DCLK3: variants seen among roughly 807,000 people sequenced by gnomAD.
The protein encoded by DCLK3 is doublecortin like kinase 3.
In DCLK3, 30 loss-of-function variants were observed where a neutral mutation model predicts 46.4. That is an observed-to-expected ratio of 0.65 (90% CI 0.48 to 0.88). The LOEUF (loss-of-function observed/expected upper bound fraction) is 0.88. DCLK3 is among the 40% of genes least tolerant of loss of function. The pLI is 0.00. For missense variants in DCLK3, 846 were observed against 907.1 expected (o/e 0.93, Z 0.87); for synonymous variants, 401 against 339.2 (o/e 1.18, Z -2.00).
intron 1 of DCLK3, chr3:36,739,927 C>T (rs1204893833): frequency 6.6e-6 from 1 of 152,162 alleles, no homozygotes; most frequent in Non-Finnish European, 1.5e-5. Flanking sequence ...GAGGCAGGAA[C>T]ATTCCAGAAT....
chr3:36,748,716 C>T (rs1202852657), intron 1 of DCLK3, among the ~76,000 whole-genome samples: 1 of 152,184 alleles, frequency 6.6e-6, no homozygotes, highest in Non-Finnish European at 1.5e-5. Flanking sequence ...GACCATAACA[C>T]TAACCTTTCT....
chr3:36,733,734 G>A (rs1428317399), intron 2 of DCLK3, among the ~76,000 whole-genome samples: 2 of 152,124 alleles, frequency 1.3e-5, no homozygotes, highest in Non-Finnish European at 2.9e-5. Context: ...AACCCTAAGG[G>A]AAGAAGAGCA....
chr3:36,751,759 C>T (rs183587102), intron 1 of DCLK3, among the ~76,000 whole-genome samples: 99 of 152,268 alleles, frequency 6.5e-4, no homozygotes, highest in Admixed American at 1.8e-3. Flanking sequence ...ATAAATGGGC[C>T]TTGCGTGGCA....
At chr3:36,758,295 G>A (rs1701506145) in intron 1 of DCLK3, among the ~76,000 whole-genome samples, 1 of 152,120 alleles carries the variant, frequency 6.6e-6, no homozygotes. Context: ...ATGACTAAGT[G>A]CTACCACATA....
intron 2 of DCLK3, among the ~76,000 whole-genome samples, chr3:36,730,082 G>A (rs1507875): frequency 2.0e-5 from 3 of 152,036 alleles, no homozygotes; most frequent in African/African-American, 7.3e-5. Flanking sequence ...GGGAGGCTAA[G>A]GTGGGGGGAG....
intron 1 of DCLK3, among the ~76,000 whole-genome samples, chr3:36,747,839 A>G (rs1333510505): frequency 6.6e-6 from 1 of 152,196 alleles, no homozygotes; most frequent in African/African-American, 2.4e-5. Flanking sequence ...GGAGCATCTT[A>G]GAAATGCAGA....
At chr3:36,722,132 T>C (rs1466883773) in intron 2 of DCLK3, among the ~76,000 whole-genome samples, 2 of 151,740 alleles carry the variant, frequency 1.3e-5, no homozygotes, top group Non-Finnish European at 2.9e-5. Context: ...AGAAAATGCC[T>C]CTGGGCAATG....
intron 1 of DCLK3, among the ~76,000 whole-genome samples, chr3:36,759,325 C>G (rs567051084): frequency 6.6e-6 from 1 of 152,176 alleles, no homozygotes; most frequent in Non-Finnish European, 1.5e-5. Context: ...GGGCTGTGGA[C>G]AAAAGCAACA....
chr3:36,748,973 C>A (rs1436862398), intron 1 of DCLK3, among the ~76,000 whole-genome samples: 1 of 152,008 alleles, frequency 6.6e-6, no homozygotes, highest in Non-Finnish European at 1.5e-5. Flanking sequence ...TGGCTTTGAC[C>A]AGACCTCCCC....
intron 2 of DCLK3, among the ~76,000 whole-genome samples, chr3:36,733,398 A>G (rs746805096): frequency 1.3e-5 from 2 of 152,186 alleles, no homozygotes; most frequent in African/African-American, 4.8e-5. Flanking sequence ...ACCGTGCTCA[A>G]TGTTCATGTC....
At position 36,738,557 on chromosome 3, in the gene DCLK3, G is replaced by A. The variant is rs748255303; in HGVS notation, c.610C>T (p.Pro204Ser). The A allele has an allele frequency of 1.4e-6, 2 of 1,481,038 alleles. No individual in the cohort carries two copies. Among genetic ancestry groups the A allele is most frequent in the Admixed American group, 2.4e-5 (1 of 42,276 alleles). 91.7% of individuals were successfully genotyped at this position (1,481,038 alleles called of 1,614,324 possible). A position where few individuals can be genotyped will look rare whatever the true frequency, so the allele number is the denominator to read the frequency against. ...ALTLAQHSRA[P>S]SPRLRSRLFS... ...AGCCTGCTCCTCAGCCTTGGAGAAGGGGCACGGCTGTGCTGGGCCAGTGTC... is the reference window on the plus strand; with the variant it reads ...AGCCTGCTCCTCAGCCTTGGAGAAGAGGCACGGCTGTGCTGGGCCAGTGTC... Residue 204 changes from proline (P) to serine (S), a missense_variant, in exon 2 of 5, where the codon CCT becomes TCT. By Grantham distance (74) the Pro-to-Ser change is moderately conservative (BLOSUM62 -1). Around this residue, in one of 3 missense-constraint regions of DCLK3, gnomAD observed 553 missense variants for 543.0 expected, o/e 1.02. Transcript: ENST00000636136.
intron 1 of DCLK3, among the ~76,000 whole-genome samples, chr3:36,745,268 G>A (rs921936258): frequency 4.7e-4 from 71 of 152,008 alleles, no homozygotes; most frequent in African/African-American, 1.6e-3. Context: ...AATAACTCAC[G>A]TGTCTAATTA....
chr3:36,738,394 G>T lies in DCLK3; in HGVS notation c.773C>A (p.Ala258Glu), dbSNP rs540783802. 2.0e-6 allele frequency: 3 copies of T among 1,492,178 alleles called. No homozygotes were observed. The highest frequency in any genetic ancestry group is 1.4e-5 in the South Asian group (1 of 69,754). The allele number at this position is 1,492,178 out of a possible 1,614,324, so 92.4% of individuals were successfully genotyped here. A position where few individuals can be genotyped will look rare whatever the true frequency, so the allele number is the denominator to read the frequency against. ...IPEELSLDDR[A>E]RTQKKWGRGK... is the part of the protein sequence containing the mutation. ...CCTCCCCCACTTCTTCTGGGTCCTC[G>T]CTCTGTCATCTAGTGAAAGCTCCTC... Residue 258 changes from alanine to glutamate, a missense_variant, in exon 2 of 5, where the codon GCG becomes GAG. Coordinates refer to ENST00000636136, the MANE Select transcript of DCLK3 (RefSeq NM_001394672.2).
intron 1 of DCLK3, among the ~76,000 whole-genome samples, chr3:36,746,801 A>G (rs1701397413): frequency 6.6e-6 from 1 of 152,240 alleles, no homozygotes; most frequent in African/African-American, 2.4e-5. Context: ...GCTACAGAGC[A>G]GAGCTTCTCA....
chr3:36,754,836 C>T (rs1051155984), intron 1 of DCLK3, among the ~76,000 whole-genome samples: 1 of 152,118 alleles, frequency 6.6e-6, no homozygotes, highest in East Asian at 1.9e-4. Context: ...TCTGAGCCAC[C>T]TGGAAAGGCA....
At chr3:36,726,123 G>C (rs1027970769) in intron 2 of DCLK3, among the ~76,000 whole-genome samples, 1 of 152,018 alleles carries the variant, frequency 6.6e-6, no homozygotes, top group Admixed American at 6.6e-5. Flanking sequence ...CCATGAGGGC[G>C]CAAACCCAGC....
In DCLK3 at chr3:36,715,378, C is replaced by T. The variant is rs560482238; in HGVS notation, c.2404G>A (p.Glu802Lys). The change falls in exon 5 of 5, where the codon GAG becomes AAG. Residue 802 changes from glutamate to lysine, a missense_variant. Glu to Lys is a moderately conservative substitution (Grantham distance 56). This residue lies in a region of DCLK3 where 46 missense variants were observed against 41.3 expected (regional missense o/e 1.11). Coordinates refer to ENST00000636136, the MANE Select transcript of DCLK3 (RefSeq NM_001394672.2). ...KRQKQVSPSS[E>K]GHFRSQHKRV... is the part of the protein sequence containing the mutation. ...TTGTGCTGGCTCCGGAAGTGACCCT[C>T]GCTGCTGGGGGACACCTGCTTCTGT... The T allele has an allele frequency of 6.2e-6, 10 of 1,614,028 alleles. No individual in the cohort carries two copies. The South Asian group carries it at 6.6e-5, about 11-fold the overall frequency.
At chr3:36,728,525 T>C (rs528094701) in intron 2 of DCLK3, among the ~76,000 whole-genome samples, 114 of 152,284 alleles carry the variant, frequency 7.5e-4, no homozygotes, top group African/African-American at 2.6e-3. Flanking sequence ...GGTGTCTCTC[T>C]GTCTCTCTCT....
rs567412114 is a variant in DCLK3, at chr3:36,727,499, C to A, written c.1960-5840G>T. Among the ~76,000 whole-genome samples the A allele has an allele frequency of 5.3e-5, 8 of 152,308 alleles. No individual in the cohort carries two copies. The East Asian group carries it at 1.5e-3, about 29-fold the overall frequency. ...ATTTATTATGTTAACTATCCAGAGACTGAAGGATATATTTTCAAAATGCCA... is the reference window on the plus strand; with the variant it reads ...ATTTATTATGTTAACTATCCAGAGAATGAAGGATATATTTTCAAAATGCCA... On this transcript the variant is annotated intron_variant, in intron 2 of 4. Transcript: ENST00000636136.
Sources: allele counts gnomAD v4.1 joint callset (sites outside exome capture counted in the v4.1 genomes callset), GRCh38; gene constraint gnomAD v4.1.1; regional missense constraint gnomAD v4.1.1; transcripts MANE v1.5; gene names NCBI Gene and HGNC (gene_info 2026-07-23, HGNC 2026-07-21).